The following CA10 variants were observed in gnomAD, a reference collection of about 807,000 sequenced individuals.
The protein encoded by CA10 is carbonic anhydrase-related protein 10.
CA10 carries 14 observed loss-of-function variants against 44.2 expected under a neutral mutation model. The ratio of observed to expected loss-of-function variants is 0.32; its 90% confidence interval spans 0.21 to 0.50. CA10 has a LOEUF of 0.50. Ranked by LOEUF, CA10 falls within the 20% of genes least tolerant of loss-of-function variation. CA10 has a pLI of 0.99. For synonymous variants in CA10, 159 were observed against 141.6 expected, an observed-to-expected ratio of 1.12 and a Z score of -0.87; for missense variants, 350 against 409.7, an observed-to-expected ratio of 0.85 and a Z score of 1.26.
At chr17:52,146,582 C>A (rs961408808) in intron 1 of CA10, among the ~76,000 whole-genome samples, 1 of 151,548 alleles carries the variant, frequency 6.6e-6, no homozygotes, top group Non-Finnish European at 1.5e-5. Context: ...CCCAGCTACT[C>A]GGGAGGCTGA....
At chr17:51,955,874 G>A (rs146340876) in intron 2 of CA10, among the ~76,000 whole-genome samples, 55 of 152,050 alleles carry the variant, frequency 3.6e-4, no homozygotes, top group African/African-American at 1.3e-3. Context: ...AATACCTAAT[G>A]CATGCGGGGC....
intron 3 of CA10, among the ~76,000 whole-genome samples, chr17:51,786,214 C>CTG (rs71357856): frequency 0.56 from 82,727 of 147,818 alleles, 23,843 homozygotes; most frequent in Admixed American, 0.66. Context: ...CTTTGTGTGT[C>CTG]TGTGTGTGTG....
At chr17:52,108,424 C>T (rs1191482448) in intron 1 of CA10, among the ~76,000 whole-genome samples, 3 of 151,246 alleles carry the variant, frequency 2.0e-5, no homozygotes, top group East Asian at 1.9e-4. Context: ...ATGGGCCAGG[C>T]GCAGTGGCTC....
At chr17:51,849,233 G>GTATA (rs1217693250) in intron 3 of CA10, among the ~76,000 whole-genome samples, 3,284 of 39,482 alleles carry the variant, frequency 0.083, 179 homozygotes, top group East Asian at 0.1. Context: ...ATATGTGTGT[G>GTATA]TATATATATA....
At chr17:52,125,541 C>T (rs1173859931) in intron 1 of CA10, among the ~76,000 whole-genome samples, 2 of 152,128 alleles carry the variant, frequency 1.3e-5, no homozygotes, top group Admixed American at 1.3e-4. Flanking sequence ...TGCCTTCCTG[C>T]CTGCCATCCA....
At chr17:51,639,015 C>T (rs1432088280) in intron 6 of CA10, among the ~76,000 whole-genome samples, 3 of 152,050 alleles carry the variant, frequency 2.0e-5, no homozygotes, top group South Asian at 2.1e-4. Context: ...GGGGTCAGCA[C>T]AGACCACACC....
At chr17:52,098,043 G>C (rs1233825482) in intron 1 of CA10, among the ~76,000 whole-genome samples, 1 of 152,150 alleles carries the variant, frequency 6.6e-6, no homozygotes, top group Non-Finnish European at 1.5e-5. Flanking sequence ...AGATACACCA[G>C]GACCTTATGC....
intron 1 of CA10, among the ~76,000 whole-genome samples, chr17:52,119,545 C>A (rs1701322919): frequency 6.6e-6 from 1 of 152,042 alleles, no homozygotes; most frequent in South Asian, 2.1e-4. Flanking sequence ...GGAGTTTATG[C>A]AACTCAGGTA....
intron 4 of CA10, among the ~76,000 whole-genome samples, chr17:51,734,808 TG>T (rs1916844005): frequency 6.6e-6 from 1 of 152,054 alleles, no homozygotes; most frequent in Non-Finnish European, 1.5e-5. Flanking sequence ...ATATCTGAGA[TG>T]GGGTAATTTA....
At chr17:51,875,964 A>G (rs1010486696) in intron 3 of CA10, among the ~76,000 whole-genome samples, 1 of 152,154 alleles carries the variant, frequency 6.6e-6, no homozygotes, top group African/African-American at 2.4e-5. Context: ...TTTGAGATTC[A>G]TATATGCTAT....
chr17:51,988,356 GA>G (rs1984919843), intron 2 of CA10, among the ~76,000 whole-genome samples: 1 of 151,960 alleles, frequency 6.6e-6, no homozygotes, highest in South Asian at 2.1e-4. Flanking sequence ...CAGTCAGTAA[GA>G]TAGGAGAAAA....
chr17:51,899,061 GTTT>G (rs1205239342), intron 3 of CA10, among the ~76,000 whole-genome samples: 2 of 151,324 alleles, frequency 1.3e-5, no homozygotes, highest in African/African-American at 2.4e-5. Context: ...CTCTGATTTT[GTTT>G]TTTTCTTGTC....
chr17:51,679,475 A>G (rs975523655), intron 4 of CA10, among the ~76,000 whole-genome samples: 1 of 151,300 alleles, frequency 6.6e-6, no homozygotes, highest in Admixed American at 6.6e-5. Context: ...GTTAGCCAGG[A>G]TGGTCTTGAT....
chr17:51,821,075 TCCTC>T (rs1210565454), intron 3 of CA10, among the ~76,000 whole-genome samples: 17 of 75,776 alleles, frequency 2.2e-4, no homozygotes, highest in East Asian at 1.4e-3. Flanking sequence ...CTCCCTTCCT[TCCTC>T]CCTCCCTCCC....
chr17:51,951,093 C>T (rs1254602846), intron 2 of CA10, among the ~76,000 whole-genome samples: 1 of 152,128 alleles, frequency 6.6e-6, no homozygotes, highest in African/African-American at 2.4e-5. Context: ...AGCTTAATTC[C>T]TACATAATAC....
At chr17:51,848,657 G>C (rs1435449027) in intron 3 of CA10, among the ~76,000 whole-genome samples, 1 of 152,194 alleles carries the variant, frequency 6.6e-6, no homozygotes, top group Non-Finnish European at 1.5e-5. Flanking sequence ...GACAACTGGA[G>C]TCACAGGAAG....
At chr17:51,984,310 C>T (rs1471827749) in intron 2 of CA10, among the ~76,000 whole-genome samples, 2 of 151,562 alleles carry the variant, frequency 1.3e-5, no homozygotes, top group East Asian at 1.9e-4. Context: ...TTGAACTGAA[C>T]AAAAATAATG....
At chr17:51,992,024 C>G (rs1985059437) in intron 2 of CA10, among the ~76,000 whole-genome samples, 1 of 151,920 alleles carries the variant, frequency 6.6e-6, no homozygotes, top group African/African-American at 2.4e-5. Flanking sequence ...AGTAAAACAT[C>G]CGTGATTTAC....
At chr17:51,813,359 T>C (rs1478666074) in intron 3 of CA10, among the ~76,000 whole-genome samples, 1 of 152,236 alleles carries the variant, frequency 6.6e-6, no homozygotes, top group Non-Finnish European at 1.5e-5. Flanking sequence ...AGTCTTGGCA[T>C]AAATCCGTTG....
Sources: gnomAD v4.1 joint callset for allele counts (sites outside exome capture counted in the v4.1 genomes callset) on GRCh38, gnomAD v4.1.1 for gene constraint, MANE v1.5 for transcripts, NCBI Gene and HGNC (gene_info 2026-07-23, HGNC 2026-07-21) for gene names.